Variants in RWDD4 observed in about 807,000 individuals in gnomAD.
RWDD4 encodes the protein RWD domain containing 4.
A neutral mutation model predicts 30.0 loss-of-function variants in RWDD4; 16 were observed. The observed-to-expected ratio is 0.53, with a 90% confidence interval of 0.36 to 0.81. RWDD4 has a LOEUF of 0.81. Ranked by LOEUF, RWDD4 falls within the 30% of genes least tolerant of loss-of-function variation. The pLI is 0.00. For synonymous variants in RWDD4, 45 were observed against 72.1 expected (o/e 0.62, Z 1.90); for missense variants, 170 against 223.9 (o/e 0.76, Z 1.54).
chr4:183,645,439 T>G (rs578020476), intron 7 of RWDD4, among the ~76,000 whole-genome samples: 1 of 152,064 alleles, frequency 6.6e-6, no homozygotes, highest in East Asian at 1.9e-4. Flanking sequence ...CTTGGTATGA[T>G]GAACAACCAC....
intron 5 of RWDD4, among the ~76,000 whole-genome samples, 177 bp from the exon 6 acceptor site, chr4:183,646,714 A>G (rs1191907740): frequency 6.6e-6 from 1 of 152,242 alleles, no homozygotes; most frequent in Non-Finnish European, 1.5e-5. Context: ...GAATACTTGC[A>G]AAATATTTTA....
Position 183,641,334 on chromosome 4 carries a change from T to C in RWDD4, c.*102A>G, listed in dbSNP as rs1733851701. 1 of 929,342 alleles carries C rather than the reference T, an allele frequency of 1.1e-6. No individual in the cohort carries two copies. Among genetic ancestry groups the C allele is most frequent in the East Asian group, 2.4e-5 (1 of 41,574 alleles). The allele number at this position is 929,342 out of a possible 1,614,324, so 57.6% of individuals were successfully genotyped here. On this transcript the variant is annotated 3_prime_UTR_variant, in exon 8 of 8. Coordinates refer to ENST00000326397, the MANE Select transcript of RWDD4 (RefSeq NM_152682.4). ...TGTAAGAAACATACAAAAAATTGTG[T>C]TTTATAAAAAGTCGCCTCAATACCA...
rs774510769 is a variant in RWDD4, at chr4:183,658,920, G to A, written c.24+9C>T. The stretch of plus-strand genomic sequence containing the variant: ...GCGCTGGGAGAGGGCCCTGAGCCGG[G>A]GGGCTCACCTCCTGGTCCTCGTTGG... On this transcript the variant is annotated intron_variant, in intron 1 of 7. Coordinates refer to ENST00000326397, the MANE Select transcript of RWDD4 (RefSeq NM_152682.4). The A allele has an allele frequency of 7.4e-5, 94 of 1,268,200 alleles. No homozygotes were observed. In the Middle Eastern group the frequency reaches 1.2e-3, roughly 16 times the overall value. 78.6% of individuals were successfully genotyped at this position (1,268,200 alleles called of 1,614,324 possible). A position where few individuals can be genotyped will look rare whatever the true frequency, so the allele number is the denominator to read the frequency against.
At chr4:183,642,166 A>C (rs1733867557) in intron 7 of RWDD4, among the ~76,000 whole-genome samples, 4 of 146,776 alleles carry the variant, frequency 2.7e-5, no homozygotes, top group South Asian at 2.2e-4. Flanking sequence ...CGGCCTGAGG[A>C]CCTCTTTCCA....
chr4:183,657,351 C>G (rs1734217349), intron 1 of RWDD4, among the ~76,000 whole-genome samples: 1 of 152,200 alleles, frequency 6.6e-6, no homozygotes, highest in Non-Finnish European at 1.5e-5. Context: ...CTCCTTCTGT[C>G]CCTAATCCTT....
At chr4:183,642,340 C>A (rs1274924613) in intron 7 of RWDD4, among the ~76,000 whole-genome samples, 1 of 124,518 alleles carries the variant, frequency 8.0e-6, no homozygotes, top group Non-Finnish European at 1.6e-5. Context: ...CAGGCGCCCG[C>A]TACCACGCCC....
chr4:183,648,192 G>A (rs575069532), intron 5 of RWDD4, among the ~76,000 whole-genome samples: 73 of 127,324 alleles, frequency 5.7e-4, no homozygotes, highest in African/African-American at 2.3e-3. Flanking sequence ...TGCAGTGATC[G>A]CGCCACTGCA....
At chr4:183,657,959 A>G (rs1734241292) in intron 1 of RWDD4, among the ~76,000 whole-genome samples, 2 of 152,232 alleles carry the variant, frequency 1.3e-5, no homozygotes, top group East Asian at 1.9e-4. Context: ...GTTCTAAGGT[A>G]GGGGACTATG....
intron 7 of RWDD4, among the ~76,000 whole-genome samples, chr4:183,644,643 G>A (rs756618839): frequency 3.9e-5 from 6 of 152,150 alleles, no homozygotes; most frequent in Non-Finnish European, 8.8e-5. Context: ...GCCAGGTGTG[G>A]CGGTGCATGC....
At chr4:183,652,794 G>C (rs1324285421) in intron 2 of RWDD4, among the ~76,000 whole-genome samples, 1 of 145,960 alleles carries the variant, frequency 6.9e-6, no homozygotes, top group Non-Finnish European at 1.5e-5. Flanking sequence ...TGGCAACAGA[G>C]CAAGACTCCA....
intron 7 of RWDD4, among the ~76,000 whole-genome samples, chr4:183,645,280 G>A (rs541066578): frequency 2.0e-5 from 3 of 152,238 alleles, no homozygotes; most frequent in South Asian, 4.1e-4. Flanking sequence ...AATTTATTTC[G>A]TGAAGTCCTA....
At chr4:183,641,567 T>A in intron 7 of RWDD4, 99 bp from the exon 8 acceptor site, 1 of 899,820 alleles carries the variant, frequency 1.1e-6, no homozygotes, top group South Asian at 1.4e-5. Flanking sequence ...GAGGCTTAAG[T>A]AACTTAAATC....
Position 183,651,270 on chromosome 4 carries a change from A to G in RWDD4, c.163T>C (p.Tyr55His). Reference protein sequence around the residue: ...FLIEISWTETYPQTPPILSMN... With the variant: ...FLIEISWTETHPQTPPILSMN... ...GATAGAATTGGAGGTGTTTGGGGAT[A>G]TGTTTCTGTCCAGGAAATCTCTATT... Residue 55 changes from tyrosine (Y) to histidine (H), a missense_variant, in exon 3 of 8, where the codon TAT (tyrosine) becomes CAT (histidine). By Grantham distance (83) the Tyr-to-His change is moderately conservative. Transcript: ENST00000326397. 1.2e-6 allele frequency: 2 copies of G among 1,612,958 alleles called. No homozygotes were observed. Among genetic ancestry groups the G allele is most frequent in the East Asian group, 2.2e-5 (1 of 44,860 alleles).
At chr4:183,644,927 CTG>C (rs1450461351) in intron 7 of RWDD4, among the ~76,000 whole-genome samples, 3 of 152,018 alleles carry the variant, frequency 2.0e-5, no homozygotes, top group African/African-American at 7.2e-5. Flanking sequence ...AAGTGAGACC[CTG>C]TCTCTAGTAA....
intron 7 of RWDD4, among the ~76,000 whole-genome samples, chr4:183,643,446 A>AAAAAAAAG (rs1733908521): frequency 7.5e-6 from 1 of 132,954 alleles, no homozygotes; most frequent in African/African-American, 2.9e-5. Flanking sequence ...AAAAAAAAAA[A>AAAAAAAAG]AGCATTTAAG....
rs1407663902 is a variant in RWDD4 at position 183,649,831 on chromosome 4, T to C, written c.364-263A>G. ...GGAAGATCTGATTATCAGCCTTATG[T>C]TGAAGATCTGAGGTTCCAAGGTAGG... On this transcript the variant is annotated intron_variant, in intron 4 of 7. Coordinates refer to ENST00000326397, the MANE Select transcript of RWDD4 (RefSeq NM_152682.4). 2.0e-5 allele frequency among the ~76,000 whole-genome samples: 3 copies of C among 152,248 alleles called. No individual in the cohort carries two copies. In the East Asian group the frequency reaches 5.8e-4, roughly 29 times the overall value.
chr4:183,655,427 G>A (rs529583360), intron 2 of RWDD4, among the ~76,000 whole-genome samples: 11,514 of 150,946 alleles, frequency 0.076, 550 homozygotes, highest in East Asian at 0.18. Flanking sequence ...GACTACAGGC[G>A]CCCGCCACCA....
chr4:183,643,415 CAAAAAAAAAAAAAAAAA>C (rs56730708), intron 7 of RWDD4, among the ~76,000 whole-genome samples: 241 of 22,680 alleles, frequency 0.011, 13 homozygotes, highest in Admixed American at 0.02. Flanking sequence ...GACTCTATCT[CAAAAAAAAAAAAAAAAA>C]AAAAAAAAAA....
intron 2 of RWDD4, among the ~76,000 whole-genome samples, chr4:183,652,521 A>T (rs1425746072): frequency 6.6e-6 from 1 of 152,112 alleles, no homozygotes; most frequent in African/African-American, 2.4e-5. Context: ...TAAAATAAAA[A>T]AAGAAATCAG....
Sources: gnomAD v4.1 joint callset for allele counts (sites outside exome capture counted in the v4.1 genomes callset) on GRCh38, gnomAD v4.1.1 for gene constraint, MANE v1.5 for transcripts, NCBI Gene and HGNC (gene_info 2026-07-23, HGNC 2026-07-21) for gene names.